Variants in TTC13 observed in about 807,000 individuals in gnomAD.
The protein encoded by TTC13 is tetratricopeptide repeat protein 13.
In TTC13, 62 loss-of-function variants were observed where a neutral mutation model predicts 120.0. That is an observed-to-expected ratio of 0.52 (90% CI 0.42 to 0.64). The LOEUF is 0.64. Among genes scored for constraint, TTC13 ranks in the 30% least tolerant of loss-of-function variants. TTC13 has a pLI of 0.00. For missense variants in TTC13, 824 were observed against 1,050.2 expected, an observed-to-expected ratio of 0.78 and a Z score of 2.98; for synonymous variants, 384 against 393.5, an observed-to-expected ratio of 0.98 and a Z score of 0.28.
chr1:230,925,259 C>T (rs1233033872), intron 13 of TTC13, among the ~76,000 whole-genome samples: 1 of 152,182 alleles, frequency 6.6e-6, no homozygotes, highest in East Asian at 1.9e-4. Context: ...AAATAGCTCC[C>T]TGGATCAGCT....
intron 3 of TTC13, among the ~76,000 whole-genome samples, chr1:230,957,913 T>C (rs577913191): frequency 6.6e-6 from 1 of 152,326 alleles, no homozygotes; most frequent in Non-Finnish European, 1.5e-5. Context: ...CACTTCTTCA[T>C]TGCTCACATC....
intron 6 of TTC13, among the ~76,000 whole-genome samples, chr1:230,941,932 C>A (rs1674565995): frequency 6.6e-6 from 1 of 151,994 alleles, no homozygotes; most frequent in Non-Finnish European, 1.5e-5. Flanking sequence ...TAGAATATTT[C>A]AGAAAGCATG....
chr1:230,930,787 G>A (rs767796460), intron 11 of TTC13, among the ~76,000 whole-genome samples: 12 of 152,254 alleles, frequency 7.9e-5, no homozygotes, highest in East Asian at 7.7e-4. Context: ...GCATGATGGC[G>A]CGCCCTTGTA....
At chr1:230,924,533 C>T (rs910182432) in intron 14 of TTC13, among the ~76,000 whole-genome samples, 5 of 152,180 alleles carry the variant, frequency 3.3e-5, no homozygotes, top group South Asian at 2.1e-4. Context: ...GGGGTTTCAC[C>T]GTGTTAGCCA....
Position 230,906,959 on chromosome 1 carries a change from C to A in TTC13, c.2529G>T (p.Ser843=). The change falls in exon 23 of 23, where the codon TCG becomes TCT. Residue 843 remains serine, a synonymous_variant. Coordinates refer to ENST00000366661, the MANE Select transcript of TTC13 (RefSeq NM_024525.5). ...SVSETFPTLR[S]MIEVLNTDSS... is the part of the protein sequence containing the mutation. ...AGTCTGTGTTTAGCACCTCAATCAT[C>A]GATCTTAACGTTGGAAACGTTTCTG... 6.5e-7 allele frequency: 1 copy of A among 1,542,862 alleles called. No homozygotes were observed.
chr1:230,915,040 G>A (rs978614426), intron 18 of TTC13, among the ~76,000 whole-genome samples: 4 of 152,280 alleles, frequency 2.6e-5, no homozygotes, highest in South Asian at 2.1e-4. Context: ...TGCAATCAGG[G>A]GAGAATGATC....
Position 230,978,610 on chromosome 1 carries a change from C to A in TTC13, c.221G>T (p.Cys74Phe). 1 of 1,449,944 alleles carries A rather than the reference C, an allele frequency of 6.9e-7. No homozygotes were observed. 89.8% of individuals were successfully genotyped at this position (1,449,944 alleles called of 1,614,324 possible). Residue 74 changes from cysteine (C) to phenylalanine (F), a missense_variant, in exon 1 of 23, where the codon TGC (cysteine) becomes TTC (phenylalanine). Physicochemically the swap from Cys to Phe is radical, Grantham distance 205. Around this residue, in one of 4 missense-constraint regions of TTC13, gnomAD observed 160 missense variants for 137.2 expected, o/e 1.17. Transcript: ENST00000366661. The surrounding 1 kb of genome is among the most constrained non-coding windows in gnomAD (Gnocchi z 5.6). ...CCCCCAGTCCCCGGACTGCGGGCTG[C>A]AGCCGCCGCCGCCCGCCGGGGCCTC... The part of the protein sequence containing the change: ...QQEAPAGGGG[C>F]SPQSGDWGDQ...
intron 1 of TTC13, among the ~76,000 whole-genome samples, chr1:230,970,954 C>A (rs192304366): frequency 6.6e-6 from 1 of 152,186 alleles, no homozygotes; most frequent in Admixed American, 6.5e-5. Flanking sequence ...GAAGAGAAGA[C>A]AGAATTCTTG....
intron 20 of TTC13, among the ~76,000 whole-genome samples, chr1:230,909,600 C>T (rs1671289326): frequency 6.6e-6 from 1 of 152,232 alleles, no homozygotes; most frequent in Admixed American, 6.5e-5. Flanking sequence ...CCACCGCACT[C>T]CAGCAATGCA....
intron 1 of TTC13, among the ~76,000 whole-genome samples, chr1:230,964,743 T>C (rs1558220108): frequency 1.3e-5 from 2 of 152,164 alleles, no homozygotes; most frequent in Non-Finnish European, 2.9e-5. Context: ...AATCCAGCTA[T>C]AGTAACCAAA....
At chr1:230,960,638 G>A (rs1422470517) in intron 2 of TTC13, among the ~76,000 whole-genome samples, 1 of 151,774 alleles carries the variant, frequency 6.6e-6, no homozygotes, top group Admixed American at 6.6e-5. Context: ...GAGTATCTAT[G>A]CAGATGTTGA....
chr1:230,928,671 G>T (rs527642722), intron 12 of TTC13, among the ~76,000 whole-genome samples: 1 of 152,272 alleles, frequency 6.6e-6, no homozygotes, highest in South Asian at 2.1e-4. Flanking sequence ...TAATGTTAAT[G>T]TATCTACCAT....
chr1:230,972,097 A>G (rs1436691669), intron 1 of TTC13, among the ~76,000 whole-genome samples: 1 of 152,220 alleles, frequency 6.6e-6, no homozygotes, highest in African/African-American at 2.4e-5. Flanking sequence ...TCTTGTGCAG[A>G]GGTGGTCCTG....
Position 230,958,756 on chromosome 1 carries a change from C to G in TTC13, c.367-457G>C, listed in dbSNP as rs575395250. On this transcript the variant is annotated intron_variant, in intron 2 of 22. Coordinates refer to ENST00000366661, the MANE Select transcript of TTC13 (RefSeq NM_024525.5). ...CTTTAATTCCAGCACTTTGGGAGAC[C>G]AAGGTAGGAAGATCACTTGAGCTCC... 1.8e-3 allele frequency among the ~76,000 whole-genome samples: 273 copies of G among 152,210 alleles called. 1 individual carries two copies. Among genetic ancestry groups the G allele is most frequent in the African/African-American group, 5.9e-3 (244 of 41,532 alleles).
At chr1:230,913,614 A>G (rs1406129967) in intron 18 of TTC13, among the ~76,000 whole-genome samples, 1 of 152,210 alleles carries the variant, frequency 6.6e-6, no homozygotes, top group Non-Finnish European at 1.5e-5. Flanking sequence ...GCCTCCCAAT[A>G]TGCTGGTATG....
At position 230,906,986 on chromosome 1, in the gene TTC13, T is replaced by A. The variant is rs3811502; in HGVS notation, c.2502A>T (p.Val834=). ...ATCTTAACGTTGGAAACGTTTCTGA[T>A]ACTGATGGAAGAGTCTTATAAGAAG... is the stretch of plus-strand genomic sequence containing the variant. ...ISPSYKTLPS[V]SETFPTLRSM... Residue 834 remains valine, a synonymous_variant, in exon 23 of 23, where the codon GTA becomes GTT. Transcript: ENST00000366661. 805,326 of 1,528,652 alleles carry A rather than the reference T, an allele frequency of 0.53. 215,038 individuals carry two copies. Among genetic ancestry groups the A allele is most frequent in the Admixed American group, 0.64 (27,375 of 42,920 alleles). The allele number at this position is 1,528,652 out of a possible 1,614,324, so 94.7% of individuals were successfully genotyped here. A position where few individuals can be genotyped will look rare whatever the true frequency, so the allele number is the denominator to read the frequency against.
rs1392473331 is a variant in TTC13 at position 230,931,802 on chromosome 1, G to A, written c.1059C>T (p.Thr353=). The change falls in exon 10 of 23, where the codon ACC becomes ACT. Residue 353 remains threonine (T), a synonymous_variant. Coordinates refer to ENST00000366661, the MANE Select transcript of TTC13 (RefSeq NM_024525.5). ...ALLLNQNHVQ[T]LQLRGMMLYH... ...AGAGCATCATTCCCCGGAGCTGGAGGGTTTGCACATGATTTTGGTTGAGCA... is the reference window on the plus strand; with the variant it reads ...AGAGCATCATTCCCCGGAGCTGGAGAGTTTGCACATGATTTTGGTTGAGCA... The A allele has an allele frequency of 6.2e-7, 1 of 1,614,060 alleles. No individual in the cohort carries two copies. Among genetic ancestry groups the A allele is most frequent in the South Asian group, 1.1e-5 (1 of 91,070 alleles).
chr1:230,929,084 C>T lies in TTC13; in HGVS notation c.1310G>A (p.Arg437Gln). ...GGTATCAAGGTGTGCATGAAGATAT[C>T]GAGAATACTCTGCAGAAAGGAAATG... ...LKVKYLREYSRYLHAHLDTPL... is the reference protein window; with the variant it reads ...LKVKYLREYSQYLHAHLDTPL... The change falls in exon 12 of 23, where the codon CGA becomes CAA. Residue 437 changes from arginine (R) to glutamine (Q), a missense_variant. Transcript: ENST00000366661. 1.2e-6 allele frequency: 2 copies of T among 1,613,526 alleles called. No homozygotes were observed. Among genetic ancestry groups the T allele is most frequent in the East Asian group, 2.2e-5 (1 of 44,870 alleles).
At chr1:230,929,965 G>A (rs1459175275) in intron 11 of TTC13, among the ~76,000 whole-genome samples, 1 of 152,206 alleles carries the variant, frequency 6.6e-6, no homozygotes, top group African/African-American at 2.4e-5. Flanking sequence ...ACTTAATGAG[G>A]CTAGGGTGAT....
Sources: gnomAD v4.1 joint callset for allele counts (sites outside exome capture counted in the v4.1 genomes callset) on GRCh38, gnomAD v4.1.1 for gene constraint, gnomAD v4.1.1 regional missense constraint, Gnocchi (gnomAD v3.1) non-coding constraint, MANE v1.5 for transcripts, NCBI Gene and HGNC (gene_info 2026-07-23, HGNC 2026-07-21) for gene names.